Variants in EIF4G3 observed in about 807,000 individuals in gnomAD.
EIF4G3 encodes the protein eIF-4-gamma 3.
In EIF4G3, 34 loss-of-function variants were observed where a neutral mutation model predicts 186.4. That is an observed-to-expected ratio of 0.18 (90% CI 0.14 to 0.24). The LOEUF (loss-of-function observed/expected upper bound fraction) is 0.24, where lower values mean the gene tolerates loss of function less well. Ranked by LOEUF, EIF4G3 falls within the 10% of genes least tolerant of loss-of-function variation. EIF4G3 has a pLI of 1.00. For missense variants in EIF4G3, 1,536 were observed against 1,948.5 expected, an observed-to-expected ratio of 0.79 and a Z score of 3.99; for synonymous variants, 673 against 679.5, an observed-to-expected ratio of 0.99 and a Z score of 0.15.
At chr1:20,931,170 A>G in intron 14 of EIF4G3, among the ~76,000 whole-genome samples, 1 of 152,186 alleles carries the variant, frequency 6.6e-6, no homozygotes, top group Non-Finnish European at 1.5e-5. Context: ...AACAAATGCC[A>G]CGAACAAATC....
intron 20 of EIF4G3, among the ~76,000 whole-genome samples, chr1:20,872,713 CTTTTTT>C (rs386366427): frequency 2.4e-5 from 2 of 81,836 alleles, no homozygotes; most frequent in Non-Finnish European, 2.5e-5. Flanking sequence ...ACTTTCTTGC[CTTTTTT>C]TTTTTTTTTT....
intron 35 of EIF4G3, 148 bp downstream of exon 35, chr1:20,813,010 C>G (rs1372404297): frequency 1.7e-6 from 1 of 574,688 alleles, no homozygotes; most frequent in Non-Finnish European, 3.1e-6. Flanking sequence ...TTGAGACAAC[C>G]AGGCATCACA....
chr1:20,826,281 C>T (rs2063596440), intron 32 of EIF4G3, among the ~76,000 whole-genome samples: 1 of 152,128 alleles, frequency 6.6e-6, no homozygotes, highest in Non-Finnish European at 1.5e-5. Context: ...ATTCTCCTGC[C>T]TCAGCCTCCC....
chr1:21,081,777 G>T (rs2095796219), intron 3 of EIF4G3, among the ~76,000 whole-genome samples: 1 of 151,880 alleles, frequency 6.6e-6, no homozygotes, highest in African/African-American at 2.4e-5. Context: ...AAGTAGCTGG[G>T]ATTACTGGCT....
chr1:20,969,364 G>A (rs771542679), intron 12 of EIF4G3, 110 bp downstream of exon 12: 114 of 1,307,186 alleles, frequency 8.7e-5, no homozygotes, highest in Non-Finnish European at 1.1e-4. Context: ...TCGAGGCTGC[G>A]AGACAACTGA....
intron 33 of EIF4G3, among the ~76,000 whole-genome samples, chr1:20,824,584 G>A (rs1300328065): frequency 6.6e-6 from 1 of 152,134 alleles, no homozygotes; most frequent in Non-Finnish European, 1.5e-5. Flanking sequence ...CTGATCATGG[G>A]GTCTTCTGTT....
chr1:20,923,951 T>C (rs993210612), intron 14 of EIF4G3, among the ~76,000 whole-genome samples: 1 of 152,060 alleles, frequency 6.6e-6, no homozygotes, highest in Non-Finnish European at 1.5e-5. Context: ...TAAATTAGCA[T>C]TGCCAGAACA....
chr1:20,993,431 CT>C (rs1412266124), intron 7 of EIF4G3, among the ~76,000 whole-genome samples: 2 of 132,176 alleles, frequency 1.5e-5, no homozygotes, highest in Non-Finnish European at 3.6e-5. Context: ...GATTACTAAA[CT>C]GGATGATGTT....
chr1:21,162,817 T>C (rs1301497708), intron 2 of EIF4G3, among the ~76,000 whole-genome samples: 2 of 152,134 alleles, frequency 1.3e-5, no homozygotes, highest in Non-Finnish European at 2.9e-5. Flanking sequence ...GGTGGGGGTA[T>C]CCATATAATT....
chr1:20,825,946 C>T (rs568892732), intron 32 of EIF4G3, among the ~76,000 whole-genome samples: 2 of 152,288 alleles, frequency 1.3e-5, no homozygotes, highest in South Asian at 2.1e-4. Flanking sequence ...ACAGTGACAA[C>T]GGAAAATGCC....
chr1:20,853,577 G>C lies in EIF4G3; in HGVS notation c.3534C>G (p.Ser1178=). The change falls in exon 27 of 37, where the codon TCC becomes TCG. Residue 1178 remains serine (S), a synonymous_variant. Transcript: ENST00000602326. ...GTTCTCACCTAGTTAAGGTCCTTCG[G>C]GAATCAAACTCTACAGGCGTGGATG... The part of the protein sequence containing the change: ...STPSTPVEFD[S]RRTLTSRGSM... The C allele has an allele frequency of 1.2e-6, 2 of 1,613,202 alleles. No homozygotes were observed. Among genetic ancestry groups the C allele is most frequent in the Non-Finnish European group, 1.7e-6 (2 of 1,179,272 alleles).
At chr1:20,900,050 A>G in intron 15 of EIF4G3, 107 bp from the exon 16 acceptor site, 13 of 1,153,410 alleles carry the variant, frequency 1.1e-5, no homozygotes, top group Non-Finnish European at 1.6e-5. Flanking sequence ...ATGTCATTCA[A>G]GGTAAGAATG....
At chr1:20,819,926 A>T (rs759734333) in intron 33 of EIF4G3, among the ~76,000 whole-genome samples, 6 of 152,122 alleles carry the variant, frequency 3.9e-5, no homozygotes, top group Non-Finnish European at 8.8e-5. Flanking sequence ...AGACAGAGAG[A>T]CTGGAGACAG....
chr1:20,889,746 TC>T (rs1379173199), intron 18 of EIF4G3, among the ~76,000 whole-genome samples: 1 of 152,146 alleles, frequency 6.6e-6, no homozygotes, highest in Non-Finnish European at 1.5e-5. Flanking sequence ...TGCCTCGGCC[TC>T]CCAAAGTGCT....
At chr1:21,082,901 G>T (rs988042649) in intron 3 of EIF4G3, among the ~76,000 whole-genome samples, 26 of 151,660 alleles carry the variant, frequency 1.7e-4, no homozygotes, top group Middle Eastern at 3.4e-3. Context: ...AGCCGGGCGT[G>T]TTGGCGGGCG....
chr1:20,884,771 A>C (rs1413409142), intron 19 of EIF4G3, among the ~76,000 whole-genome samples: 3 of 152,228 alleles, frequency 2.0e-5, no homozygotes, highest in Admixed American at 2.0e-4. Flanking sequence ...CCTCATCTTC[A>C]TCTTTGTTTT....
intron 30 of EIF4G3, among the ~76,000 whole-genome samples, chr1:20,837,548 G>A (rs927429971): frequency 2.0e-5 from 3 of 152,108 alleles, no homozygotes; most frequent in Non-Finnish European, 2.9e-5. Flanking sequence ...TTGGCTTGGC[G>A]AGCTAGGCAG....
intron 2 of EIF4G3, among the ~76,000 whole-genome samples, chr1:21,110,933 C>T (rs1159904003): frequency 1.3e-5 from 2 of 152,174 alleles, no homozygotes; most frequent in Admixed American, 1.3e-4. Flanking sequence ...TTTGTTTCTT[C>T]CTTAATGTCT....
At chr1:20,844,198 T>C (rs927917105) in intron 29 of EIF4G3, among the ~76,000 whole-genome samples, 8 of 152,154 alleles carry the variant, frequency 5.3e-5, no homozygotes, top group African/African-American at 1.9e-4. Flanking sequence ...GGTGAAATGG[T>C]ATTTCTGTCT....
Sources: gnomAD v4.1 joint callset for allele counts (sites outside exome capture counted in the v4.1 genomes callset) on GRCh38, gnomAD v4.1.1 for gene constraint, MANE v1.5 for transcripts, NCBI Gene and HGNC (gene_info 2026-07-23, HGNC 2026-07-21) for gene names.